Variants in SHTN1 observed in about 807,000 individuals in gnomAD.
SHTN1 encodes shootin-1.
SHTN1 carries 42 observed loss-of-function variants against 83.1 expected under a neutral mutation model. The ratio of observed to expected loss-of-function variants is 0.51; its 90% CI spans 0.39 to 0.65. The LOEUF (loss-of-function observed/expected upper bound fraction) is 0.65. SHTN1 is among the 30% of genes least tolerant of loss of function. The probability of loss-of-function intolerance (pLI) is 0.00; values close to 1 mark genes in which losing one functional copy is unlikely to be tolerated. For synonymous variants in SHTN1, 224 were observed against 247.7 expected (o/e 0.90, Z 0.90); for missense variants, 622 against 737.8 (o/e 0.84, Z 1.82).
intron 9 of SHTN1, among the ~76,000 whole-genome samples, chr10:116,932,636 A>G (rs1264004174): frequency 6.6e-6 from 1 of 152,212 alleles, no homozygotes. Context: ...GCTAGGCTGA[A>G]CTATAATATT....
chr10:117,003,246 T>C (rs183834084), intron 1 of SHTN1, among the ~76,000 whole-genome samples: 27 of 151,568 alleles, frequency 1.8e-4, no homozygotes, highest in Middle Eastern at 3.4e-3. Context: ...GTGTATTAAA[T>C]ATAAAATACC....
At chr10:116,902,014 G>C in intron 15 of SHTN1, 57 bp from the exon 16 acceptor site, 1 of 1,423,262 alleles carries the variant, frequency 7.0e-7, no homozygotes, top group Non-Finnish European at 9.4e-7. Flanking sequence ...TTATTAATAT[G>C]GTACTGAAAA....
intron 2 of SHTN1, among the ~76,000 whole-genome samples, chr10:117,019,345 A>G (rs1416662270): frequency 6.6e-6 from 1 of 151,902 alleles, no homozygotes; most frequent in Non-Finnish European, 1.5e-5. Flanking sequence ...CACCACACTT[A>G]GCTAATTTTT....
intron 16 of SHTN1, among the ~76,000 whole-genome samples, chr10:116,893,180 C>A (rs1173037343): frequency 1.3e-5 from 2 of 152,122 alleles, no homozygotes; most frequent in Non-Finnish European, 2.9e-5. Context: ...GTAAGACAAT[C>A]CTGACAGGCG....
chr10:116,901,580 G>T, intron 16 of SHTN1, 185 bp downstream of exon 16: 1 of 985,290 alleles, frequency 1.0e-6, no homozygotes, highest in Non-Finnish European at 1.2e-6. Flanking sequence ...ACTTGCTTTG[G>T]ATCTGAATGA....
chr10:117,014,022 T>C (rs980538080), intron 2 of SHTN1, among the ~76,000 whole-genome samples: 6 of 152,202 alleles, frequency 3.9e-5, no homozygotes, highest in African/African-American at 1.4e-4. Flanking sequence ...ATGCATTCTG[T>C]TAAATTTAAT....
intron 2 of SHTN1, among the ~76,000 whole-genome samples, chr10:117,041,773 T>A (rs2133581084): frequency 6.6e-6 from 1 of 152,348 alleles, no homozygotes; most frequent in East Asian, 1.9e-4. Context: ...TTAAAATCAT[T>A]AGTATTTTAA....
chr10:117,110,094 C>T (rs1489756748), intron 1 of SHTN1, among the ~76,000 whole-genome samples: 1 of 152,052 alleles, frequency 6.6e-6, no homozygotes, highest in African/African-American at 2.4e-5. Context: ...AATTTCTGTT[C>T]TCTATAACAT....
At chr10:116,994,617 T>A (rs1851563484) in intron 1 of SHTN1, among the ~76,000 whole-genome samples, 1 of 152,094 alleles carries the variant, frequency 6.6e-6, no homozygotes, top group Admixed American at 6.5e-5. Context: ...TTTAGAAAAT[T>A]GAGTTAAAGA....
At chr10:116,930,453 G>A (rs1472185186) in intron 9 of SHTN1, among the ~76,000 whole-genome samples, 2 of 152,072 alleles carry the variant, frequency 1.3e-5, no homozygotes, top group African/African-American at 4.8e-5. Flanking sequence ...TGTAATCAAT[G>A]CTTAGCTCCC....
At chr10:116,999,704 G>A (rs1163153305) in intron 1 of SHTN1, among the ~76,000 whole-genome samples, 1 of 152,186 alleles carries the variant, frequency 6.6e-6, no homozygotes, top group Admixed American at 6.5e-5. Context: ...CACAAGGTCA[G>A]GAGTTCGAGA....
chr10:117,049,747 G>T (rs1049055356), intron 1 of SHTN1, among the ~76,000 whole-genome samples: 1 of 152,158 alleles, frequency 6.6e-6, no homozygotes, highest in Non-Finnish European at 1.5e-5. Context: ...GGCCACAGTT[G>T]AGGAAATTAA....
chr10:117,035,958 A>AG (rs1379487506), intron 2 of SHTN1, among the ~76,000 whole-genome samples: 1 of 150,926 alleles, frequency 6.6e-6, no homozygotes, highest in East Asian at 1.9e-4. Context: ...AAAAAAAAAA[A>AG]AAAAAAAAAG....
intron 1 of SHTN1, among the ~76,000 whole-genome samples, chr10:117,108,188 C>T (rs553546528): frequency 1.1e-4 from 17 of 152,060 alleles, no homozygotes; most frequent in Non-Finnish European, 2.5e-4. Flanking sequence ...ACCATTTAAC[C>T]CAGCCATCCC....
At chr10:116,959,481 T>C (rs1184232732) in intron 4 of SHTN1, among the ~76,000 whole-genome samples, 1 of 152,210 alleles carries the variant, frequency 6.6e-6, no homozygotes, top group Non-Finnish European at 1.5e-5. Flanking sequence ...TAATGAAATT[T>C]GGTTGAAAAT....
intron 2 of SHTN1, among the ~76,000 whole-genome samples, chr10:117,042,065 A>T (rs887768597): frequency 1.3e-5 from 2 of 152,206 alleles, no homozygotes; most frequent in Non-Finnish European, 2.9e-5. Context: ...ATTAAGGAAG[A>T]GGAAGCAGGT....
At chr10:117,026,513 C>A (rs933770751) in intron 2 of SHTN1, among the ~76,000 whole-genome samples, 32 of 152,002 alleles carry the variant, frequency 2.1e-4, no homozygotes, top group African/African-American at 7.3e-4. Context: ...ACCTCCTTCT[C>A]CCGAATTCAA....
chr10:117,019,528 A>G (rs547024506), intron 2 of SHTN1, among the ~76,000 whole-genome samples: 1 of 152,158 alleles, frequency 6.6e-6, no homozygotes, highest in Non-Finnish European at 1.5e-5. Flanking sequence ...AAAATTGTAC[A>G]ATATCTATAT....
At chr10:116,929,821 G>GACATAGTCA (rs1294314731) in intron 10 of SHTN1, 28 bp downstream of exon 10, 3 of 1,535,606 alleles carry the variant, frequency 2.0e-6, no homozygotes, top group African/African-American at 2.8e-5. Flanking sequence ...TTAATAGTAA[G>GACATAGTCA]ACATAGTAGC....
Sources: gnomAD v4.1 joint callset for allele counts (sites outside exome capture counted in the v4.1 genomes callset) on GRCh38, gnomAD v4.1.1 for gene constraint, MANE v1.5 for transcripts, NCBI Gene and HGNC (gene_info 2026-07-23, HGNC 2026-07-21) for gene names.